Variants in GLYR1 observed in about 807,000 individuals in gnomAD.
The protein encoded by GLYR1 is glyoxylate reductase 1 homolog.
Under a neutral mutation model 72.7 loss-of-function variants are expected in GLYR1, and 21 were observed. That is an observed-to-expected ratio of 0.29 (90% CI 0.20 to 0.42). The LOEUF is 0.42. GLYR1 is among the 10% of genes least tolerant of loss of function. The pLI, the probability that GLYR1 is intolerant of heterozygous loss-of-function variation, is 1.00. For synonymous variants in GLYR1, 392 were observed against 270.2 expected, an observed-to-expected ratio of 1.45 and a Z score of -4.42; for missense variants, 594 against 712.1, an observed-to-expected ratio of 0.83 and a Z score of 1.89.
rs974467506 is a variant in GLYR1, at chr16:4,845,065, A to G, written c.155+9T>C. ...AGGCGAAGGGAGACTCCTGGTGAGT[A>G]CTACTCACTGATCTTCTGTTCCAAA... On this transcript the variant is annotated intron_variant, in intron 3 of 15. Transcript: ENST00000321919. 15 of 1,594,364 alleles carry G rather than the reference A, an allele frequency of 9.4e-6. No homozygotes were observed. The African/African-American group carries it at 2.0e-4, about 21-fold the overall frequency.
At chr16:4,830,670 T>G (rs982577239) in intron 5 of GLYR1, among the ~76,000 whole-genome samples, 1 of 152,220 alleles carries the variant, frequency 6.6e-6, no homozygotes, top group South Asian at 2.1e-4. Flanking sequence ...CTCTTTATCC[T>G]GCTGTTGACA....
At position 4,812,149 on chromosome 16, in the gene GLYR1, T is replaced by C. The variant is rs776873609; in HGVS notation, c.1219A>G (p.Arg407Gly). ...CTGCTGCAGTCCTCATATAAGCCCC[T>C]GTCTCCAGCCGCTAAGATCACCAAC... ...GMLVILAAGDRGLYEDCSSCF... is the reference protein window; with the variant it reads ...GMLVILAAGDGGLYEDCSSCF... Residue 407 changes from arginine (R) to glycine (G), a missense_variant, in exon 13 of 16, where the codon AGG becomes GGG. Arg to Gly is a moderately radical substitution (Grantham distance 125). Coordinates refer to ENST00000321919, the MANE Select transcript of GLYR1 (RefSeq NM_032569.4). 3.1e-6 allele frequency: 5 copies of C among 1,614,142 alleles called. No individual in the cohort carries two copies. Among genetic ancestry groups the C allele is most frequent in the Non-Finnish European group, 8.5e-7 (1 of 1,180,018 alleles).
intron 3 of GLYR1, among the ~76,000 whole-genome samples, chr16:4,834,192 G>T (rs946340604): frequency 2.6e-5 from 4 of 151,850 alleles, no homozygotes; most frequent in Admixed American, 2.6e-4. Context: ...GTCAGGCAGC[G>T]AACCACTATC....
chr16:4,843,813 C>T (rs934189218), intron 3 of GLYR1: 22 of 265,812 alleles, frequency 8.3e-5, no homozygotes, highest in Middle Eastern at 1.6e-3. Flanking sequence ...GAAATCAAAC[C>T]GGCTGGGCAT....
intron 3 of GLYR1, among the ~76,000 whole-genome samples, chr16:4,836,242 G>C (rs545706187): frequency 1.3e-5 from 2 of 152,314 alleles, no homozygotes; most frequent in African/African-American, 4.8e-5. Flanking sequence ...TTCCTTCCCA[G>C]ATGTTCAGGA....
chr16:4,846,956 G>A (rs923045986), intron 1 of GLYR1: 8 of 497,096 alleles, frequency 1.6e-5, no homozygotes, highest in Non-Finnish European at 2.8e-5. Flanking sequence ...TCCCTTCACG[G>A]GGGCCGCCAG....
chr16:4,832,099 G>GTTC lies in GLYR1; in HGVS notation c.414_416dup (p.Lys138dup), dbSNP rs1567765048. ...ACACCCTCTTCTTTCCTTCTCCCAT[G>GTTC]TTCTTCTTCACCTTCCCTTCAGACA... On this transcript the variant is annotated inframe_insertion, in exon 5 of 16. Transcript: ENST00000321919. 6.2e-7 allele frequency: 1 copy of GTTC among 1,614,150 alleles called. No homozygotes were observed. Among genetic ancestry groups the GTTC allele is most frequent in the Non-Finnish European group, 8.5e-7 (1 of 1,180,032 alleles).
intron 3 of GLYR1, among the ~76,000 whole-genome samples, chr16:4,840,931 A>G (rs1427627987): frequency 4.6e-5 from 7 of 152,244 alleles, no homozygotes; most frequent in African/African-American, 1.7e-4. Flanking sequence ...TTCCTTCTTT[A>G]GAGAAGTACT....
chr16:4,830,341 T>C (rs1161916146), intron 5 of GLYR1, among the ~76,000 whole-genome samples: 1 of 151,884 alleles, frequency 6.6e-6, no homozygotes, highest in Non-Finnish European at 1.5e-5. Flanking sequence ...ATTGCAGGTA[T>C]GAGACACCAC....
At chr16:4,841,171 A>G (rs1302495313) in intron 3 of GLYR1, among the ~76,000 whole-genome samples, 1 of 152,146 alleles carries the variant, frequency 6.6e-6, no homozygotes. Flanking sequence ...ACCACCATCC[A>G]GGCTATTTTT....
intron 4 of GLYR1, 176 bp from the exon 5 acceptor site, chr16:4,832,397 A>G (rs1020157342): frequency 1.3e-6 from 1 of 749,092 alleles, no homozygotes; most frequent in South Asian, 1.9e-5. Flanking sequence ...TAAAAAATAT[A>G]TATATCAAAA....
chr16:4,834,810 G>A (rs1015612131), intron 3 of GLYR1, among the ~76,000 whole-genome samples: 4 of 152,098 alleles, frequency 2.6e-5, no homozygotes, highest in African/African-American at 9.7e-5. Flanking sequence ...ACATGAGAGC[G>A]CCAATGAGTC....
chr16:4,825,076 C>G (rs546493146), intron 5 of GLYR1, among the ~76,000 whole-genome samples: 18 of 152,262 alleles, frequency 1.2e-4, no homozygotes, highest in African/African-American at 4.1e-4. Flanking sequence ...TGGACAATTG[C>G]AAAAATAAAT....
chr16:4,817,525 CAG>C (rs2083724821), intron 10 of GLYR1, 71 bp downstream of exon 10: 2 of 880,462 alleles, frequency 2.3e-6, no homozygotes, highest in Non-Finnish European at 1.9e-6. Flanking sequence ...GCTGAGACAA[CAG>C]GGGGAGATGT....
At chr16:4,805,929 T>C (rs201074874) in intron 15 of GLYR1, among the ~76,000 whole-genome samples, 1 of 152,096 alleles carries the variant, frequency 6.6e-6, no homozygotes, top group Admixed American at 6.6e-5. Flanking sequence ...TGCAGTGAGC[T>C]GAGATCACAC....
At chr16:4,817,511 G>C (rs2083723839) in intron 10 of GLYR1, 87 bp downstream of exon 10, 1 of 794,280 alleles carries the variant, frequency 1.3e-6, no homozygotes, top group East Asian at 2.4e-5. Flanking sequence ...ATTGCACGCA[G>C]AACGCTGAGA....
rs1226613672 is a variant in GLYR1, at chr16:4,847,273, C to T, written c.-8G>A. 1 of 1,610,330 alleles carries T rather than the reference C, an allele frequency of 6.2e-7. No individual in the cohort carries two copies. The highest frequency in any genetic ancestry group is 1.7e-5 in the Admixed American group (1 of 59,910). ...CAGACTCACAGCCGCCATCTTACCA[C>T]CCAACCACCGCCGACGCACGGGCCG... On this transcript the variant is annotated 5_prime_UTR_variant, in exon 1 of 16. It adds an upstream start codon to the 5' untranslated region. Coordinates refer to ENST00000321919, the MANE Select transcript of GLYR1 (RefSeq NM_032569.4).
At chr16:4,814,491 C>G in intron 11 of GLYR1, 46 bp downstream of exon 11, 1 of 1,434,634 alleles carries the variant, frequency 7.0e-7, no homozygotes, top group Non-Finnish European at 9.8e-7. Flanking sequence ...AGCCAGCAAT[C>G]CTGGCTGTGA....
chr16:4,846,577 A>C (rs1029205588), intron 1 of GLYR1: 1 of 285,150 alleles, frequency 3.5e-6, no homozygotes, highest in African/African-American at 2.2e-5. Context: ...TGCTAATGGA[A>C]GCCTTCCTCT....
Sources: gnomAD v4.1 joint callset for allele counts (sites outside exome capture counted in the v4.1 genomes callset) on GRCh38, gnomAD v4.1.1 for gene constraint, MANE v1.5 for transcripts, NCBI Gene and HGNC (gene_info 2026-07-23, HGNC 2026-07-21) for gene names.